Variants in GPR137B observed in about 807,000 individuals in gnomAD.
GPR137B encodes integral membrane protein GPR137B.
GPR137B carries 42 observed loss-of-function variants against 42.5 expected under a neutral mutation model. The ratio of observed to expected loss-of-function variants is 0.99; its 90% CI spans 0.77 to 1.28. The LOEUF is 1.28. Among genes scored for constraint, GPR137B ranks in the 50% most tolerant of loss-of-function variants. The pLI is 0.00. For missense variants in GPR137B, 487 were observed against 493.9 expected (o/e 0.99, Z 0.13); for synonymous variants, 218 against 209.7 (o/e 1.04, Z -0.34).
chr1:236,149,666 T>C (rs946779929), intron 1 of GPR137B, among the ~76,000 whole-genome samples: 1 of 152,194 alleles, frequency 6.6e-6, no homozygotes, highest in East Asian at 1.9e-4. Context: ...CTTCTAGGCC[T>C]TTTGGTGATT....
intron 2 of GPR137B, among the ~76,000 whole-genome samples, chr1:236,173,347 A>C (rs1437219004): frequency 2.0e-5 from 3 of 149,426 alleles, no homozygotes; most frequent in African/African-American, 7.4e-5. Context: ...AGGGAAAGAG[A>C]GAGAGAGAAA....
At chr1:236,147,222 C>A (rs955800743) in intron 1 of GPR137B, among the ~76,000 whole-genome samples, 1 of 152,212 alleles carries the variant, frequency 6.6e-6, no homozygotes, top group Non-Finnish European at 1.5e-5. Context: ...ATGCTCTCAG[C>A]CTCTCCCCTT....
At position 236,208,550 on chromosome 1, in the gene GPR137B, T is replaced by C. The variant is rs1663736308; in HGVS notation, c.*392T>C. On this transcript the variant is annotated 3_prime_UTR_variant, in exon 7 of 7. Coordinates refer to ENST00000366592, the MANE Select transcript of GPR137B (RefSeq NM_003272.4). Reference sequence around the variant, plus strand: ...TAAAAATATAGAATATATGGTCTAATAGTTTTTTAAAGCTTTTGGACTAAA... The same window carrying C: ...TAAAAATATAGAATATATGGTCTAACAGTTTTTTAAAGCTTTTGGACTAAA... 1.1e-6 allele frequency: 1 copy of C among 948,038 alleles called. No individual in the cohort carries two copies. The highest frequency in any genetic ancestry group is 4.8e-5 in the South Asian group (1 of 20,722). 58.7% of individuals were successfully genotyped at this position (948,038 alleles called of 1,614,324 possible). A position where few individuals can be genotyped will look rare whatever the true frequency, so the allele number is the denominator to read the frequency against.
chr1:236,158,426 GAAAC>G (rs1288905230), intron 1 of GPR137B, among the ~76,000 whole-genome samples: 4 of 152,310 alleles, frequency 2.6e-5, no homozygotes, highest in Non-Finnish European at 4.4e-5. Flanking sequence ...CTCTGTCTCA[GAAAC>G]AAACAAACAA....
intron 2 of GPR137B, among the ~76,000 whole-genome samples, chr1:236,172,431 A>AT (rs1366824983): frequency 2.0e-5 from 3 of 152,208 alleles, no homozygotes; most frequent in African/African-American, 7.2e-5. Context: ...TTTGAAGATA[A>AT]TTTATATTTA....
rs1002318969 is a variant in GPR137B at position 236,150,687 on chromosome 1, A to G, written c.414+7651A>G. On this transcript the variant is annotated intron_variant, in intron 1 of 6. Transcript: ENST00000366592. The surrounding 1 kb of genome is among the most constrained non-coding windows in gnomAD (Gnocchi z 6.2). ...GCCGGGTCACCATCAGGAGCGCCCTACTGTCGGCTCCGAACACTGTGGCAC... is the reference window on the plus strand; with the variant it reads ...GCCGGGTCACCATCAGGAGCGCCCTGCTGTCGGCTCCGAACACTGTGGCAC... Among the ~76,000 whole-genome samples the G allele has an allele frequency of 6.6e-6, 1 of 152,170 alleles. No homozygotes were observed. Among genetic ancestry groups the G allele is most frequent in the Admixed American group, 6.5e-5 (1 of 15,276 alleles).
intron 1 of GPR137B, among the ~76,000 whole-genome samples, chr1:236,160,533 C>T (rs1662157952): frequency 6.6e-6 from 1 of 152,174 alleles, no homozygotes; most frequent in African/African-American, 2.4e-5. Context: ...GGGACCCAGG[C>T]TCCTTCTGTC....
At position 236,150,196 on chromosome 1, in the gene GPR137B, T is replaced by G. The variant is rs1346769402; in HGVS notation, c.414+7160T>G. On this transcript the variant is annotated intron_variant, in intron 1 of 6. Coordinates refer to ENST00000366592, the MANE Select transcript of GPR137B (RefSeq NM_003272.4). The surrounding 1 kb of genome is among the most constrained non-coding windows in gnomAD (Gnocchi z 6.2). ...CCGTTTGTGTTTGTGTGTGTCTGTG[T>G]GCCTGTGTGTGTGTCTGTGCCTGTG... Among the ~76,000 whole-genome samples, 1 of 150,694 alleles carries G rather than the reference T, an allele frequency of 6.6e-6. No homozygotes were observed. The highest frequency in any genetic ancestry group is 6.6e-5 in the Admixed American group (1 of 15,126).
At chr1:236,153,050 C>T (rs2102892735) in intron 1 of GPR137B, among the ~76,000 whole-genome samples, 1 of 148,810 alleles carries the variant, frequency 6.7e-6, no homozygotes, top group Middle Eastern at 3.4e-3. Flanking sequence ...AGCAATACTC[C>T]ATCTCGGGGA....
intron 5 of GPR137B, among the ~76,000 whole-genome samples, chr1:236,186,429 C>T (rs1410339917): frequency 7.0e-6 from 1 of 142,978 alleles, no homozygotes; most frequent in Non-Finnish European, 1.5e-5. Flanking sequence ...TGGTGGTTTG[C>T]TGCACCCATC....
At position 236,192,619 on chromosome 1, in the gene GPR137B, C is replaced by T. The variant is rs114711242; in HGVS notation, c.966+8713C>T. Among the ~76,000 whole-genome samples, 638 of 152,168 alleles carry T rather than the reference C, an allele frequency of 4.2e-3. 4 individuals are homozygous for T. The highest frequency in any genetic ancestry group is 0.014 in the African/African-American group (601 of 41,510). The stretch of plus-strand genomic sequence containing the variant: ...AAATTCCCTGACTCCTTGCACTTCT[C>T]GATCGAGGCGACACCCCACCCTGCT... On this transcript the variant is annotated intron_variant, in intron 5 of 6. Coordinates refer to ENST00000366592, the MANE Select transcript of GPR137B (RefSeq NM_003272.4).
At chr1:236,163,696 G>T (rs1197475751) in intron 1 of GPR137B, among the ~76,000 whole-genome samples, 1 of 152,132 alleles carries the variant, frequency 6.6e-6, no homozygotes, top group Non-Finnish European at 1.5e-5. Flanking sequence ...CTGCTGCCAT[G>T]TAAGAAGTGC....
At position 236,142,991 on chromosome 1, in the gene GPR137B, C is replaced by T. The variant is rs1159158583; in HGVS notation, c.369C>T (p.Cys123=). ...GGCTGCTCTACTGCTTCCCTGTGTG[C>T]CTGCAGTTTTTCACCCTCACGCTGA... ...VFWLLYCFPV[C]LQFFTLTLMN... is the part of the protein sequence containing the mutation. The change falls in exon 1 of 7, where the codon TGC becomes TGT. Residue 123 remains cysteine, a synonymous_variant. Coordinates refer to ENST00000366592, the MANE Select transcript of GPR137B (RefSeq NM_003272.4). The T allele has an allele frequency of 3.1e-6, 5 of 1,613,732 alleles. No individual in the cohort carries two copies. The highest frequency in any genetic ancestry group is 4.2e-6 in the Non-Finnish European group (5 of 1,179,896).
Position 236,190,144 on chromosome 1 carries a change from T to G in GPR137B, c.966+6238T>G, listed in dbSNP as rs1039899615. Among the ~76,000 whole-genome samples the G allele has an allele frequency of 6.0e-4, 69 of 115,370 alleles. No individual in the cohort carries two copies. In the East Asian group the frequency reaches 6.2e-3, roughly 10 times the overall value. 75.7% of individuals were successfully genotyped at this position (115,370 alleles called of 152,430 possible). On this transcript the variant is annotated intron_variant, in intron 5 of 6. Transcript: ENST00000366592. ...AGAGATTAGGACTGCAACTCCTGCT[T>G]CTTCTTTTTTTTTTTTTTTTTTTGC...
chr1:236,179,870 C>T lies in GPR137B; in HGVS notation c.688-9C>T, dbSNP rs1242968110. ...GAGTGTCCCATACCTTCTGCTCCCT[C>T]TTTTCCAGGGCTCCTCCGTGTGTCA... On this transcript the variant is annotated splice_polypyrimidine_tract_variant and intron_variant, in intron 3 of 6. Coordinates refer to ENST00000366592, the MANE Select transcript of GPR137B (RefSeq NM_003272.4). The T allele has an allele frequency of 1.9e-6, 3 of 1,564,930 alleles. No individual in the cohort carries two copies. The highest frequency in any genetic ancestry group is 2.6e-6 in the Non-Finnish European group (3 of 1,156,500).
rs542992419 is a variant in GPR137B, at chr1:236,203,508, T to C, written c.967-1618T>C. On this transcript the variant is annotated intron_variant, in intron 5 of 6. Transcript: ENST00000366592. ...AATAGCTTTGGCTATTCTGGGTCTT[T>C]TGTGGTTCTGTATAAATTTTAGGAT... Among the ~76,000 whole-genome samples the C allele has an allele frequency of 3.3e-5, 5 of 152,338 alleles. No homozygotes were observed. The South Asian group carries it at 1.0e-3, about 32-fold the overall frequency.
rs1301888220 is a variant in GPR137B at position 236,208,643 on chromosome 1, ACTC to A, written c.*488_*490del. 1.0e-6 allele frequency: 1 copy of A among 985,676 alleles called. No individual in the cohort carries two copies. The highest frequency in any genetic ancestry group is 1.2e-6 in the Non-Finnish European group (1 of 829,902). The allele number at this position is 985,676 out of a possible 1,614,324, so 61.1% of individuals were successfully genotyped here. ...CCGATTCTGAGTGCCACATTGGTAG[ACTC>A]CTAAAATACAGTTGACAACTTAGCC... On this transcript the variant is annotated 3_prime_UTR_variant, in exon 7 of 7. Coordinates refer to ENST00000366592, the MANE Select transcript of GPR137B (RefSeq NM_003272.4).
At position 236,190,235 on chromosome 1, in the gene GPR137B, G is replaced by A. The variant is rs1288881393; in HGVS notation, c.966+6329G>A. 8.2e-5 allele frequency among the ~76,000 whole-genome samples: 12 copies of A among 146,306 alleles called. No homozygotes were observed. In the East Asian group the frequency reaches 2.0e-3, roughly 25 times the overall value. On this transcript the variant is annotated intron_variant, in intron 5 of 6. Transcript: ENST00000366592. ...TGAGCCTATGTATGTCTTTTCACGT[G>A]AGATGGGTCTCCTGAATACAGCATA...
rs1661841222 is a variant in GPR137B, at chr1:236,150,961, G to A, written c.414+7925G>A. 1.3e-5 allele frequency among the ~76,000 whole-genome samples: 2 copies of A among 152,178 alleles called. No individual in the cohort carries two copies. The highest frequency in any genetic ancestry group is 4.1e-4 in the South Asian group (2 of 4,828). The stretch of plus-strand genomic sequence containing the variant: ...GGGTCATGACAGTGAGGGGTGGGCT[G>A]CCCAGAGAGGAACATTTGCAAGATC... On this transcript the variant is annotated intron_variant, in intron 1 of 6. Transcript: ENST00000366592. This position sits in a 1 kb window ranked among gnomAD's most constrained non-coding sequence, Gnocchi z 6.2.
Sources: allele counts gnomAD v4.1 joint callset (sites outside exome capture counted in the v4.1 genomes callset), GRCh38; gene constraint gnomAD v4.1.1; non-coding constraint Gnocchi (gnomAD v3.1); transcripts MANE v1.5; gene names NCBI Gene and HGNC (gene_info 2026-07-23, HGNC 2026-07-21).